CCDC91: variants seen among roughly 807,000 people sequenced by gnomAD.
The protein encoded by CCDC91 is coiled-coil domain-containing protein 91.
In CCDC91, 48 loss-of-function variants were observed where a neutral mutation model predicts 63.2. The ratio of observed to expected loss-of-function variants is 0.76; its 90% CI spans 0.60 to 0.97. The LOEUF is 0.97. CCDC91 is among the 50% of genes least tolerant of loss of function. The probability of loss-of-function intolerance (pLI) is 0.00; values close to 1 mark genes in which losing one functional copy is unlikely to be tolerated. For synonymous variants in CCDC91, 167 were observed against 165.8 expected, an observed-to-expected ratio of 1.01 and a Z score of -0.06; for missense variants, 500 against 494.6, an observed-to-expected ratio of 1.01 and a Z score of -0.10.
At position 28,477,718 on chromosome 12, in the gene CCDC91, C is replaced by T. The variant is rs186972952; in HGVS notation, c.1102-6334C>T. On this transcript the variant is annotated intron_variant, in intron 11 of 12. Transcript: ENST00000536442. ...TGATTGTATATCTAAAAAACCGCAT[C>T]GTCTTAGCCCCAAATCTCCTTAAGC... Among the ~76,000 whole-genome samples the T allele has an allele frequency of 3.2e-4, 49 of 152,252 alleles. 1 individual carries two copies. The East Asian group carries it at 4.8e-3, about 15-fold the overall frequency.
chr12:28,324,691 A>AATC (rs1940820193), intron 6 of CCDC91, among the ~76,000 whole-genome samples: 1 of 151,864 alleles, frequency 6.6e-6, no homozygotes, highest in South Asian at 2.1e-4. Flanking sequence ...TAATAATAAT[A>AATC]ATAATACTTC....
rs1470694666 is a variant in CCDC91 at position 28,267,825 on chromosome 12, TA to T, written c.109+8385del. 3.4e-3 allele frequency among the ~76,000 whole-genome samples: 97 copies of T among 28,486 alleles called. 7 individuals carry two copies. The highest frequency in any genetic ancestry group is 0.01 in the African/African-American group (87 of 8,434). 18.7% of individuals were successfully genotyped at this position (28,486 alleles called of 152,430 possible). On this transcript the variant is annotated intron_variant, in intron 3 of 12. Coordinates refer to ENST00000536442, the MANE Select transcript of CCDC91 (RefSeq NM_018318.5). ...ATATAGTAATATATAATTATATTAT[TA>T]ATATATAATTATATATAATTATATA...
intron 12 of CCDC91, among the ~76,000 whole-genome samples, chr12:28,544,798 A>G (rs532624098): frequency 1.3e-5 from 2 of 152,212 alleles, no homozygotes; most frequent in South Asian, 4.1e-4. Flanking sequence ...ATGACTGGCA[A>G]ATAAAAAGCT....
chr12:28,441,758 A>G (rs564083212), intron 8 of CCDC91, among the ~76,000 whole-genome samples: 1 of 150,420 alleles, frequency 6.6e-6, no homozygotes, highest in East Asian at 1.9e-4. Context: ...TCATATATAT[A>G]TGTATATGTG....
At chr12:28,276,802 C>CA (rs976752041) in intron 3 of CCDC91, among the ~76,000 whole-genome samples, 3 of 151,794 alleles carry the variant, frequency 2.0e-5, no homozygotes, top group Admixed American at 6.6e-5. Context: ...TGTAAGCTAA[C>CA]AAAAAAATCG....
chr12:28,239,011 C>T (rs1254409626), intron 1 of CCDC91, among the ~76,000 whole-genome samples: 19 of 151,370 alleles, frequency 1.3e-4, no homozygotes, highest in Non-Finnish European at 1.6e-4. Context: ...CCCAGCTACT[C>T]GGGAAGGCTG....
chr12:28,392,129 A>G (rs571924108), intron 8 of CCDC91, among the ~76,000 whole-genome samples: 84 of 152,188 alleles, frequency 5.5e-4, no homozygotes, highest in Non-Finnish European at 9.4e-4. Flanking sequence ...AGTTCTATTA[A>G]GTATTTTTCA....
At chr12:28,236,308 T>G (rs1285753668) in intron 1 of CCDC91, 1 of 152,096 alleles carries the variant, frequency 6.6e-6, no homozygotes, top group Non-Finnish European at 1.5e-5. Context: ...GAGGCAGTTT[T>G]CTGTGAAGAG....
intron 12 of CCDC91, among the ~76,000 whole-genome samples, chr12:28,535,673 A>G (rs538089724): frequency 6.6e-6 from 1 of 152,326 alleles, no homozygotes; most frequent in Admixed American, 6.5e-5. Flanking sequence ...GATTGGTAAC[A>G]TAAAACATTT....
intron 7 of CCDC91, among the ~76,000 whole-genome samples, chr12:28,376,644 C>T (rs991740646): frequency 3.3e-5 from 5 of 151,730 alleles, no homozygotes; most frequent in Non-Finnish European, 5.9e-5. Context: ...AACATTATAG[C>T]TTAAGGAATA....
At chr12:28,538,119 GTT>G (rs34667403) in intron 12 of CCDC91, among the ~76,000 whole-genome samples, 8,857 of 147,822 alleles carry the variant, frequency 0.06, 354 homozygotes, top group Non-Finnish European at 0.085. Flanking sequence ...TATTTTTAGG[GTT>G]TTTTTTTAAG....
chr12:28,252,050 G>T (rs879670599), intron 1 of CCDC91, among the ~76,000 whole-genome samples: 12 of 152,150 alleles, frequency 7.9e-5, no homozygotes, highest in Admixed American at 3.9e-4. Flanking sequence ...TGTTGGTTTG[G>T]TTGAATATAG....
intron 12 of CCDC91, among the ~76,000 whole-genome samples, chr12:28,539,451 G>T (rs1463624417): frequency 6.6e-6 from 1 of 152,108 alleles, no homozygotes; most frequent in Non-Finnish European, 1.5e-5. Flanking sequence ...GCTCTGTTCT[G>T]TTCCATTGGT....
At chr12:28,248,856 T>C (rs562321369) in intron 1 of CCDC91, among the ~76,000 whole-genome samples, 16 of 152,254 alleles carry the variant, frequency 1.1e-4, no homozygotes, top group African/African-American at 3.6e-4. Flanking sequence ...TAAGAGGAGG[T>C]TGAATAGTTA....
chr12:28,337,463 T>C (rs1171798240), intron 6 of CCDC91, among the ~76,000 whole-genome samples: 1 of 152,114 alleles, frequency 6.6e-6, no homozygotes, highest in Non-Finnish European at 1.5e-5. Context: ...ATTGTTTTCT[T>C]TATTATTTTA....
chr12:28,309,766 C>A (rs1379159781), intron 6 of CCDC91, among the ~76,000 whole-genome samples: 3 of 152,030 alleles, frequency 2.0e-5, no homozygotes, highest in Non-Finnish European at 4.4e-5. Context: ...ATACTTTTAA[C>A]AGCTCTCGCT....
intron 8 of CCDC91, among the ~76,000 whole-genome samples, chr12:28,426,501 CTTTAT>C (rs1308674699): frequency 6.6e-6 from 1 of 151,726 alleles, no homozygotes; most frequent in Non-Finnish European, 1.5e-5. Context: ...ATTTTTTGCC[CTTTAT>C]TTTTTCCTAA....
At chr12:28,219,822 T>C (rs1472471363) in intron 1 of CCDC91, among the ~76,000 whole-genome samples, 2 of 152,300 alleles carry the variant, frequency 1.3e-5, no homozygotes, top group Middle Eastern at 3.4e-3. Flanking sequence ...TTAGGAGATA[T>C]GTATACATTT....
rs567889343 is a variant in CCDC91 at position 28,267,861 on chromosome 12, A to T, written c.109+8419A>T. 3.3e-3 allele frequency among the ~76,000 whole-genome samples: 143 copies of T among 43,460 alleles called. 21 individuals are homozygous for T. The highest frequency in any genetic ancestry group is 0.017 in the South Asian group (25 of 1,450). 28.5% of individuals were successfully genotyped at this position (43,460 alleles called of 152,430 possible). A position where few individuals can be genotyped will look rare whatever the true frequency, so the allele number is the denominator to read the frequency against. The stretch of plus-strand genomic sequence containing the variant: ...TATATATAATTATATAGTAATATAT[A>T]ATTATATATAATTATATATAATTAT... On this transcript the variant is annotated intron_variant, in intron 3 of 12. Coordinates refer to ENST00000536442, the MANE Select transcript of CCDC91 (RefSeq NM_018318.5).
Sources: gnomAD v4.1 joint callset for allele counts (sites outside exome capture counted in the v4.1 genomes callset) on GRCh38, gnomAD v4.1.1 for gene constraint, MANE v1.5 for transcripts, NCBI Gene and HGNC (gene_info 2026-07-23, HGNC 2026-07-21) for gene names.